SGCZ: variants seen among roughly 807,000 people sequenced by gnomAD.
The protein encoded by SGCZ is zeta-sarcoglycan.
A neutral mutation model predicts 41.3 loss-of-function variants in SGCZ; 40 were observed. That is an observed-to-expected ratio of 0.97 (90% CI 0.75 to 1.26). The LOEUF (loss-of-function observed/expected upper bound fraction) is 1.26. Ranked by LOEUF, SGCZ falls within the 50% of genes most tolerant of loss-of-function variation. SGCZ has a pLI of 0.00. For missense variants in SGCZ, 552 were observed against 369.8 expected (o/e 1.49, Z -4.04); for synonymous variants, 206 against 137.5 (o/e 1.50, Z -3.49).
intron 2 of SGCZ, among the ~76,000 whole-genome samples, chr8:14,463,326 G>C (rs1800954539): frequency 6.7e-6 from 1 of 149,200 alleles, no homozygotes; most frequent in South Asian, 2.1e-4. Context: ...TAAAGATACA[G>C]TAATCAATAG....
chr8:14,607,592 GACA>G (rs1358597752), intron 1 of SGCZ, among the ~76,000 whole-genome samples: 5 of 152,120 alleles, frequency 3.3e-5, no homozygotes, highest in Admixed American at 1.3e-4. Flanking sequence ...TGCCCAAATT[GACA>G]ACAATTTCAA....
At chr8:14,402,424 C>T (rs890376358) in intron 2 of SGCZ, among the ~76,000 whole-genome samples, 8 of 151,762 alleles carry the variant, frequency 5.3e-5, no homozygotes, top group East Asian at 1.9e-4. Context: ...GGTTTTAGGT[C>T]GAACGTTTAA....
At chr8:14,122,502 T>G (rs1802730948) in intron 5 of SGCZ, among the ~76,000 whole-genome samples, 1 of 152,232 alleles carries the variant, frequency 6.6e-6, no homozygotes, top group Admixed American at 6.5e-5. Context: ...TTCATTGTAT[T>G]TAATCAAAAT....
At chr8:15,030,206 G>A (rs1373616431) in intron 1 of SGCZ, among the ~76,000 whole-genome samples, 1 of 151,992 alleles carries the variant, frequency 6.6e-6, no homozygotes, top group Non-Finnish European at 1.5e-5. Flanking sequence ...ATTCATAAGG[G>A]GTTATCTAAA....
chr8:14,962,635 A>G (rs1377909599), intron 1 of SGCZ, among the ~76,000 whole-genome samples: 1 of 152,194 alleles, frequency 6.6e-6, no homozygotes, highest in Non-Finnish European at 1.5e-5. Context: ...TGAGATAGTA[A>G]CTAAGTAAGG....
chr8:14,450,675 C>G (rs756360890), intron 2 of SGCZ, among the ~76,000 whole-genome samples: 8 of 152,012 alleles, frequency 5.3e-5, no homozygotes, highest in Non-Finnish European at 1.2e-4. Flanking sequence ...CCATAGTGAC[C>G]ACTTAGATTT....
At chr8:14,832,103 G>T (rs752943860) in intron 1 of SGCZ, among the ~76,000 whole-genome samples, 1 of 152,114 alleles carries the variant, frequency 6.6e-6, no homozygotes, top group African/African-American at 2.4e-5. Flanking sequence ...TGTTGAAATA[G>T]CAATGCCTTC....
intron 1 of SGCZ, among the ~76,000 whole-genome samples, chr8:14,633,149 A>T (rs1160946602): frequency 6.6e-6 from 1 of 152,120 alleles, no homozygotes; most frequent in East Asian, 1.9e-4. Flanking sequence ...ATGCATTAGC[A>T]TGTCATGAAT....
chr8:14,620,264 C>T (rs1180257218), intron 1 of SGCZ, among the ~76,000 whole-genome samples: 1 of 152,106 alleles, frequency 6.6e-6, no homozygotes, highest in Non-Finnish European at 1.5e-5. Flanking sequence ...GGATCCCTTC[C>T]TTACACCTTA....
At chr8:14,267,210 T>C (rs1214074878) in intron 3 of SGCZ, among the ~76,000 whole-genome samples, 1 of 152,080 alleles carries the variant, frequency 6.6e-6, no homozygotes, top group African/African-American at 2.4e-5. Flanking sequence ...ACAATATGCA[T>C]ACTGGGGTAT....
intron 5 of SGCZ, among the ~76,000 whole-genome samples, chr8:14,152,963 C>T (rs1008987689): frequency 6.6e-6 from 1 of 151,996 alleles, no homozygotes; most frequent in South Asian, 2.1e-4. Flanking sequence ...ATATAACATT[C>T]TTAAACCATC....
intron 1 of SGCZ, among the ~76,000 whole-genome samples, chr8:14,848,776 A>G (rs2130647951): frequency 6.6e-6 from 1 of 152,320 alleles, no homozygotes; most frequent in African/African-American, 2.4e-5. Flanking sequence ...GTCACAATGG[A>G]TTAGGCAAAG....
In SGCZ at chr8:14,778,360, G is replaced by A. The variant is rs1800477943; in HGVS notation, c.40-223434C>T. Among the ~76,000 whole-genome samples the A allele has an allele frequency of 3.9e-5, 6 of 152,264 alleles. No homozygotes were observed. In the South Asian group the frequency reaches 1.2e-3, roughly 32 times the overall value. ...ACACTGGTCACTTGAGGACCTAAATGAATTTCAGTGAGTCCATTGTATTCT... is the reference window on the plus strand; with the variant it reads ...ACACTGGTCACTTGAGGACCTAAATAAATTTCAGTGAGTCCATTGTATTCT... On this transcript the variant is annotated intron_variant, in intron 1 of 7. Transcript: ENST00000382080.
intron 1 of SGCZ, among the ~76,000 whole-genome samples, chr8:15,029,617 T>C (rs944479191): frequency 3.9e-5 from 6 of 152,134 alleles, no homozygotes; most frequent in African/African-American, 1.4e-4. Context: ...TTGTTCCCTT[T>C]ACTCATAAGG....
chr8:14,108,036 C>G (rs1023662984), intron 6 of SGCZ, 127 bp downstream of exon 6: 2 of 771,774 alleles, frequency 2.6e-6, no homozygotes, highest in African/African-American at 3.7e-5. Flanking sequence ...CTAATATATT[C>G]ATTTTTGTAT....
chr8:14,430,056 C>G (rs932184044), intron 2 of SGCZ, among the ~76,000 whole-genome samples: 29 of 152,016 alleles, frequency 1.9e-4, no homozygotes, highest in African/African-American at 7.0e-4. Context: ...CTTCTTTTCT[C>G]GGTTAATCTG....
intron 2 of SGCZ, among the ~76,000 whole-genome samples, chr8:14,431,384 C>A: frequency 6.6e-6 from 1 of 152,052 alleles, no homozygotes; most frequent in Non-Finnish European, 1.5e-5. Flanking sequence ...GAAATAAATC[C>A]AAATACTTAG....
rs1233614779 is a variant in SGCZ, at chr8:14,883,776, GTT to G, written c.40-328852_40-328851del. Among the ~76,000 whole-genome samples the G allele has an allele frequency of 2.3e-3, 199 of 86,004 alleles. 1 individual carries two copies. Among genetic ancestry groups the G allele is most frequent in the African/African-American group, 7.1e-3 (162 of 22,956 alleles). 56.4% of individuals were successfully genotyped at this position (86,004 alleles called of 152,430 possible). Reference sequence around the variant, plus strand: ...TAGCTATCTTTGCTGGCATCCTGTTGTTTTTTTTTTTTTTTTTTTTTCCAATA... The same window carrying G: ...TAGCTATCTTTGCTGGCATCCTGTTGTTTTTTTTTTTTTTTTTTTCCAATA... On this transcript the variant is annotated intron_variant, in intron 1 of 7. Coordinates refer to ENST00000382080, the MANE Select transcript of SGCZ (RefSeq NM_139167.4).
chr8:15,049,615 G>A (rs1804442320), intron 1 of SGCZ, among the ~76,000 whole-genome samples: 1 of 152,146 alleles, frequency 6.6e-6, no homozygotes, highest in South Asian at 2.1e-4. Flanking sequence ...ACCATGCGCA[G>A]CTAGGTAAGT....
Sources: gnomAD v4.1 joint callset for allele counts (sites outside exome capture counted in the v4.1 genomes callset) on GRCh38, gnomAD v4.1.1 for gene constraint, MANE v1.5 for transcripts, NCBI Gene and HGNC (gene_info 2026-07-23, HGNC 2026-07-21) for gene names.